Variants in GALNTL6 observed in about 807,000 individuals in gnomAD.
GALNTL6 encodes polypeptide N-acetylgalactosaminyltransferase like 6.
Under a neutral mutation model 73.7 loss-of-function variants are expected in GALNTL6, and 46 were observed. The ratio of observed to expected loss-of-function variants is 0.62; its 90% confidence interval spans 0.49 to 0.80. The LOEUF is 0.80. Ranked by LOEUF, GALNTL6 falls within the 30% of genes least tolerant of loss-of-function variation. The pLI, the probability that GALNTL6 is intolerant of heterozygous loss-of-function variation, is 0.00. For missense variants in GALNTL6, 604 were observed against 755.0 expected, an observed-to-expected ratio of 0.80 and a Z score of 2.34; for synonymous variants, 259 against 263.7, an observed-to-expected ratio of 0.98 and a Z score of 0.17.
intron 5 of GALNTL6, among the ~76,000 whole-genome samples, chr4:172,613,624 G>A (rs992996848): frequency 6.6e-5 from 10 of 152,116 alleles, no homozygotes; most frequent in Admixed American, 4.6e-4. Context: ...TAATATTTCA[G>A]CAAAATGTGT....
At chr4:172,561,922 T>C (rs1736387627) in intron 5 of GALNTL6, among the ~76,000 whole-genome samples, 5 of 152,264 alleles carry the variant, frequency 3.3e-5, no homozygotes, top group Admixed American at 3.3e-4. Flanking sequence ...CCAACATGAA[T>C]AGTAATAAGA....
At chr4:172,097,169 C>A (rs1461882632) in intron 2 of GALNTL6, among the ~76,000 whole-genome samples, 1 of 152,164 alleles carries the variant, frequency 6.6e-6, no homozygotes, top group Non-Finnish European at 1.5e-5. Flanking sequence ...GTATTACCCA[C>A]TTCTATTCTT....
chr4:172,063,248 GAAGGA>G (rs1731261385), intron 2 of GALNTL6, among the ~76,000 whole-genome samples: 1 of 152,188 alleles, frequency 6.6e-6, no homozygotes, highest in Non-Finnish European at 1.5e-5. Context: ...CCCAAATTCA[GAAGGA>G]AAGAGTAGTT....
chr4:172,616,030 A>G (rs894980532), intron 5 of GALNTL6, among the ~76,000 whole-genome samples: 2 of 152,178 alleles, frequency 1.3e-5, no homozygotes, highest in Non-Finnish European at 2.9e-5. Flanking sequence ...TGAAATGCCT[A>G]AGTTTTTGGC....
At chr4:173,021,120 C>T (rs945053931) in intron 11 of GALNTL6, among the ~76,000 whole-genome samples, 3 of 152,002 alleles carry the variant, frequency 2.0e-5, no homozygotes, top group Non-Finnish European at 4.4e-5. Flanking sequence ...TGACCCTCAT[C>T]CCTCTCCCCT....
intron 7 of GALNTL6, among the ~76,000 whole-genome samples, chr4:172,851,214 G>A (rs1259768578): frequency 5.9e-5 from 9 of 151,974 alleles, no homozygotes; most frequent in Admixed American, 5.9e-4. Context: ...AAAGCTCTGT[G>A]TCAGATGCTC....
chr4:172,253,649 A>G (rs900232194), intron 3 of GALNTL6, among the ~76,000 whole-genome samples: 5 of 151,970 alleles, frequency 3.3e-5, no homozygotes, highest in Admixed American at 2.6e-4. Flanking sequence ...GCAAGCTTGT[A>G]TGTGACCAGA....
intron 3 of GALNTL6, among the ~76,000 whole-genome samples, chr4:172,278,551 G>A (rs1281858617): frequency 1.3e-5 from 2 of 151,992 alleles, no homozygotes; most frequent in Non-Finnish European, 2.9e-5. Flanking sequence ...ATCATCTGTA[G>A]ATCAGTTGTT....
chr4:172,250,533 A>T (rs1217648248), intron 3 of GALNTL6, among the ~76,000 whole-genome samples: 1 of 152,080 alleles, frequency 6.6e-6, no homozygotes, highest in East Asian at 1.9e-4. Flanking sequence ...AATTCCTATA[A>T]TCCCCACATG....
chr4:173,023,150 A>G (rs1271226595), intron 12 of GALNTL6, among the ~76,000 whole-genome samples: 1 of 152,170 alleles, frequency 6.6e-6, no homozygotes, highest in African/African-American at 2.4e-5. Context: ...ACAGAAAGCT[A>G]AAGGAGAGAA....
chr4:172,204,042 G>T (rs1424917016), intron 2 of GALNTL6, among the ~76,000 whole-genome samples: 1 of 151,980 alleles, frequency 6.6e-6, no homozygotes, highest in Non-Finnish European at 1.5e-5. Context: ...CACTGCACCC[G>T]GCCAACAGAA....
chr4:172,466,798 T>C (rs937728318), intron 5 of GALNTL6, among the ~76,000 whole-genome samples: 1 of 152,254 alleles, frequency 6.6e-6, no homozygotes, highest in African/African-American at 2.4e-5. Context: ...TGTGAGACTT[T>C]AGATAACTAG....
intron 5 of GALNTL6, among the ~76,000 whole-genome samples, chr4:172,604,306 A>G (rs2111031553): frequency 6.6e-6 from 1 of 152,290 alleles, no homozygotes; most frequent in South Asian, 2.1e-4. Context: ...TCTCTGTTAT[A>G]TGCTTGTATA....
intron 7 of GALNTL6, among the ~76,000 whole-genome samples, chr4:172,860,328 A>G (rs1654437481): frequency 6.6e-6 from 1 of 152,224 alleles, no homozygotes; most frequent in African/African-American, 2.4e-5. Flanking sequence ...GCTGAAAATT[A>G]GACAGCTTTT....
chr4:172,566,391 C>T (rs1210597324), intron 5 of GALNTL6, among the ~76,000 whole-genome samples: 2 of 152,060 alleles, frequency 1.3e-5, no homozygotes, highest in Non-Finnish European at 2.9e-5. Context: ...GGTGAAACTC[C>T]AGAAAATTGA....
intron 5 of GALNTL6, among the ~76,000 whole-genome samples, chr4:172,773,930 G>A (rs1738918917): frequency 6.6e-6 from 1 of 151,816 alleles, no homozygotes; most frequent in Non-Finnish European, 1.5e-5. Flanking sequence ...TCCTGTACAA[G>A]TAAGTGTCTA....
chr4:171,830,291 T>A (rs1403704273), intron 2 of GALNTL6, among the ~76,000 whole-genome samples: 3 of 152,160 alleles, frequency 2.0e-5, no homozygotes, highest in Non-Finnish European at 4.4e-5. Flanking sequence ...ACTTTTGTAG[T>A]TTTAAGCTGC....
intron 2 of GALNTL6, among the ~76,000 whole-genome samples, chr4:172,075,252 A>G (rs532564707): frequency 1.3e-5 from 2 of 152,244 alleles, no homozygotes; most frequent in South Asian, 4.1e-4. Context: ...TTTAAATATT[A>G]TAGGATTTTT....
intron 5 of GALNTL6, among the ~76,000 whole-genome samples, chr4:172,409,363 T>C (rs964935774): frequency 3.9e-5 from 6 of 152,024 alleles, no homozygotes; most frequent in African/African-American, 1.4e-4. Context: ...TCATAGGACT[T>C]AAAGTAATTA....
Sources: allele counts gnomAD v4.1 joint callset (sites outside exome capture counted in the v4.1 genomes callset), GRCh38; gene constraint gnomAD v4.1.1; transcripts MANE v1.5; gene names NCBI Gene and HGNC (gene_info 2026-07-23, HGNC 2026-07-21).